The following SLC30A7 variants were observed in gnomAD, a reference collection of about 807,000 sequenced individuals.
SLC30A7 encodes the protein zinc transporter 7.
Under a neutral mutation model 46.0 loss-of-function variants are expected in SLC30A7, and 35 were observed. The observed-to-expected ratio is 0.76, with a 90% CI of 0.58 to 1.01. The LOEUF (loss-of-function observed/expected upper bound fraction) is 1.01. Ranked by LOEUF, SLC30A7 falls within the 50% of genes least tolerant of loss-of-function variation. SLC30A7 has a pLI of 0.00. For synonymous variants in SLC30A7, 147 were observed against 157.8 expected (o/e 0.93, Z 0.51); for missense variants, 464 against 451.1 (o/e 1.03, Z -0.26).
chr1:100,959,831 C>T (rs181731489), intron 8 of SLC30A7, among the ~76,000 whole-genome samples: 99 of 152,278 alleles, frequency 6.5e-4, no homozygotes, highest in African/African-American at 2.2e-3. Context: ...TGGGAGCCAT[C>T]ACTGAAGCTG....
chr1:100,927,014 C>G (rs958374777), intron 8 of SLC30A7, among the ~76,000 whole-genome samples: 2 of 152,144 alleles, frequency 1.3e-5, no homozygotes, highest in Non-Finnish European at 1.5e-5. Context: ...CAAGTATAAA[C>G]ACACTGAGGC....
intron 8 of SLC30A7, among the ~76,000 whole-genome samples, chr1:100,943,849 T>A (rs931687830): frequency 6.6e-6 from 1 of 152,228 alleles, no homozygotes; most frequent in African/African-American, 2.4e-5. Context: ...ACTTAATATG[T>A]AGCACATGAT....
At chr1:100,931,260 A>G (rs926431397) in intron 8 of SLC30A7, among the ~76,000 whole-genome samples, 1 of 152,180 alleles carries the variant, frequency 6.6e-6, no homozygotes, top group African/African-American at 2.4e-5. Context: ...GTATTAATTC[A>G]GTACAACTAC....
Position 100,914,272 on chromosome 1 carries a change from G to T in SLC30A7, c.655+466G>T, listed in dbSNP as rs146364876. ...ACAAATTGACAATAGTCACTCTGTTGTGCTAGCAAATACTAGGTCTTATTC... is the reference window on the plus strand; with the variant it reads ...ACAAATTGACAATAGTCACTCTGTTTTGCTAGCAAATACTAGGTCTTATTC... On this transcript the variant is annotated intron_variant, in intron 6 of 10. Coordinates refer to ENST00000357650, the MANE Select transcript of SLC30A7 (RefSeq NM_133496.5). Among the ~76,000 whole-genome samples the T allele has an allele frequency of 2.8e-3, 425 of 152,266 alleles. 5 individuals carry two copies. The highest frequency in any genetic ancestry group is 9.8e-3 in the African/African-American group (408 of 41,542).
At chr1:100,946,944 A>T (rs1401482861) in intron 8 of SLC30A7, among the ~76,000 whole-genome samples, 2 of 152,136 alleles carry the variant, frequency 1.3e-5, no homozygotes, top group Non-Finnish European at 2.9e-5. Flanking sequence ...TAGGCTGTTA[A>T]TTATTGCCTC....
Position 100,961,822 on chromosome 1 carries a change from CCTTAGTGTTATTCCT to C in SLC30A7, c.843-2_855del. 6.4e-7 allele frequency: 1 copy of C among 1,558,144 alleles called. No homozygotes were observed. The highest frequency in any genetic ancestry group is 8.8e-7 in the Non-Finnish European group (1 of 1,137,828). On this transcript the variant is annotated splice_acceptor_variant and splice_polypyrimidine_tract_variant and coding_sequence_variant and intron_variant, in exon 9 of 11. Transcript: ENST00000357650. LOFTEE classifies it high-confidence loss of function. ...TTTAATAAATTGTTGTCTTCCTTTTCCTTAGTGTTATTCCTCTTTTAAGAGAATCTGTTGGAATAT... is the reference window on the plus strand; with the variant it reads ...TTTAATAAATTGTTGTCTTCCTTTTCCTTTTAAGAGAATCTGTTGGAATAT...
intron 8 of SLC30A7, among the ~76,000 whole-genome samples, chr1:100,928,527 A>G (rs183159625): frequency 6.6e-6 from 1 of 152,074 alleles, no homozygotes; most frequent in East Asian, 1.9e-4. Flanking sequence ...ATAAGGAAAA[A>G]TTACCATAAG....
At chr1:100,914,906 T>A (rs1032007871) in intron 6 of SLC30A7, among the ~76,000 whole-genome samples, 6 of 152,136 alleles carry the variant, frequency 3.9e-5, no homozygotes, top group African/African-American at 1.4e-4. Context: ...CACTCCAGCC[T>A]GGACAATAGA....
intron 8 of SLC30A7, among the ~76,000 whole-genome samples, chr1:100,936,363 A>G (rs1653967487): frequency 6.6e-6 from 1 of 152,170 alleles, no homozygotes; most frequent in African/African-American, 2.4e-5. Flanking sequence ...GGTATCCCCA[A>G]GGGTATTTTT....
chr1:100,967,288 GTGGGAGGGATGGTTT>G (rs1655919855), intron 10 of SLC30A7, among the ~76,000 whole-genome samples: 1 of 152,146 alleles, frequency 6.6e-6, no homozygotes, highest in Non-Finnish European at 1.5e-5. Context: ...GGAGGTGGTG[GTGGGAGGGATGGTTT>G]TGGGATGAAA....
chr1:100,978,926 A>G lies in SLC30A7; in HGVS notation c.*4069A>G, dbSNP rs986621697. The stretch of plus-strand genomic sequence containing the variant: ...TGCTAATTGCCCAAGGCTAAATCCA[A>G]TTTAAGGATTGCTTAGTTTCTTTAT... On this transcript the variant is annotated 3_prime_UTR_variant, in exon 11 of 11. Coordinates refer to ENST00000357650, the MANE Select transcript of SLC30A7 (RefSeq NM_133496.5). The G allele has an allele frequency of 2.0e-5, 3 of 152,152 alleles. No individual in the cohort carries two copies. Among genetic ancestry groups the G allele is most frequent in the African/African-American group, 7.2e-5 (3 of 41,444 alleles). 9.4% of individuals were successfully genotyped at this position (152,152 alleles called of 1,614,324 possible).
intron 8 of SLC30A7, among the ~76,000 whole-genome samples, chr1:100,952,097 A>G (rs1209760992): frequency 1.3e-5 from 2 of 152,182 alleles, no homozygotes; most frequent in Admixed American, 1.3e-4. Flanking sequence ...AAGGAAACAG[A>G]TTCTTTCTAG....
At chr1:100,896,369 G>C (rs377762733) in intron 1 of SLC30A7, 27 bp downstream of exon 1, 14 of 1,612,548 alleles carry the variant, frequency 8.7e-6, no homozygotes, top group East Asian at 2.2e-5. Flanking sequence ...TTGCGGGGAG[G>C]GGGTGTCCGG....
At chr1:100,934,376 A>C (rs1435106054) in intron 8 of SLC30A7, among the ~76,000 whole-genome samples, 1 of 152,178 alleles carries the variant, frequency 6.6e-6, no homozygotes, top group Non-Finnish European at 1.5e-5. Flanking sequence ...AGATTACTAG[A>C]AAGTAGAAAT....
intron 8 of SLC30A7, chr1:100,941,043 G>T: frequency 3.0e-6 from 1 of 333,292 alleles, no homozygotes; most frequent in Non-Finnish European, 5.8e-6. Context: ...CATAGCTTCT[G>T]CAGCTATTGG....
intron 8 of SLC30A7, chr1:100,941,951 G>A: frequency 3.4e-6 from 1 of 294,250 alleles, no homozygotes; most frequent in South Asian, 4.3e-5. Flanking sequence ...AAAATGAAGA[G>A]CTTCCACAGC....
chr1:100,897,074 T>C (rs1449746383), intron 2 of SLC30A7, among the ~76,000 whole-genome samples: 1 of 152,070 alleles, frequency 6.6e-6, no homozygotes, highest in Non-Finnish European at 1.5e-5. Context: ...TGAGAGAGTA[T>C]ATCTGAGATG....
chr1:100,965,482 G>A lies in SLC30A7; in HGVS notation c.934-287G>A, dbSNP rs184983439. ...TTTTCCAAGTCATAAATAAGTGTTG[G>A]ACTTTATAAAGTGATTGTTACTGTA... On this transcript the variant is annotated intron_variant, in intron 9 of 10. Coordinates refer to ENST00000357650, the MANE Select transcript of SLC30A7 (RefSeq NM_133496.5). Among the ~76,000 whole-genome samples the A allele has an allele frequency of 9.7e-4, 148 of 152,242 alleles. 1 individual carries two copies. The highest frequency in any genetic ancestry group is 4.7e-4 in the Non-Finnish European group (32 of 68,022).
the SLC30A7 span, among the ~76,000 whole-genome samples, chr1:100,994,224 T>C: frequency 1.3e-5 from 2 of 151,856 alleles, no homozygotes; most frequent in Admixed American, 1.3e-4. Flanking sequence ...TATTTAACTT[T>C]CATAAAATTT....
Sources: allele counts gnomAD v4.1 joint callset (sites outside exome capture counted in the v4.1 genomes callset), GRCh38; gene constraint gnomAD v4.1.1; transcripts MANE v1.5; gene names NCBI Gene and HGNC (gene_info 2026-07-23, HGNC 2026-07-21).